The following BCL2 variants were observed in gnomAD, a reference collection of about 807,000 sequenced individuals.
The protein encoded by BCL2 is BCL2 apoptosis regulator.
In BCL2, 1 loss-of-function variant was observed where a neutral mutation model predicts 14.2. That is an observed-to-expected ratio of 0.07 (90% CI 0.02 to 0.33). The LOEUF (loss-of-function observed/expected upper bound fraction) is 0.33. Ranked by LOEUF, BCL2 falls within the 10% of genes least tolerant of loss-of-function variation. The pLI, the probability that BCL2 is intolerant of heterozygous loss-of-function variation, is 0.99. For missense variants in BCL2, 247 were observed against 305.9 expected (o/e 0.81, Z 1.44); for synonymous variants, 151 against 137.2 (o/e 1.10, Z -0.70).
chr18:63,247,629 G>A (rs1374391370), intron 2 of BCL2, among the ~76,000 whole-genome samples: 1 of 152,150 alleles, frequency 6.6e-6, no homozygotes, highest in Non-Finnish European at 1.5e-5. Context: ...GAGCACTAGG[G>A]AGAAGGAGTT....
At chr18:63,277,212 A>G (rs1051236008) in intron 2 of BCL2, among the ~76,000 whole-genome samples, 2 of 152,152 alleles carry the variant, frequency 1.3e-5, no homozygotes, top group African/African-American at 2.4e-5. Flanking sequence ...AGAATTTATC[A>G]GAGCTCAACA....
chr18:63,128,590 C>T lies in BCL2; in HGVS notation c.*35G>A. On this transcript the variant is annotated 3_prime_UTR_variant, in exon 3 of 3. Coordinates refer to ENST00000333681, the MANE Select transcript of BCL2 (RefSeq NM_000633.3). Reference sequence around the variant, plus strand: ...TATTATTTCTACTGCTTTAGTGAACCTTTTGCATATTTGTTTGGGGCAGGC... The same window carrying T: ...TATTATTTCTACTGCTTTAGTGAACTTTTTGCATATTTGTTTGGGGCAGGC... 1.3e-6 allele frequency: 1 copy of T among 776,552 alleles called. No individual in the cohort carries two copies. Among genetic ancestry groups the T allele is most frequent in the Non-Finnish European group, 2.4e-6 (1 of 415,374 alleles). The allele number at this position is 776,552 out of a possible 1,614,324, so 48.1% of individuals were successfully genotyped here. A position where few individuals can be genotyped will look rare whatever the true frequency, so the allele number is the denominator to read the frequency against.
At chr18:63,229,720 G>A (rs903597548) in intron 2 of BCL2, among the ~76,000 whole-genome samples, 10 of 152,154 alleles carry the variant, frequency 6.6e-5, no homozygotes, top group Admixed American at 6.5e-5. Flanking sequence ...CTGCAGAACC[G>A]TAAGTCAATT....
chr18:63,307,577 G>A (rs1203542097), intron 2 of BCL2, among the ~76,000 whole-genome samples: 5 of 152,192 alleles, frequency 3.3e-5, no homozygotes, highest in Non-Finnish European at 5.9e-5. Flanking sequence ...TGAGCCACAA[G>A]CTGTTACAAA....
chr18:63,172,296 CTCGTGAGTATTAT>C (rs1915239956), intron 2 of BCL2, among the ~76,000 whole-genome samples: 1 of 152,226 alleles, frequency 6.6e-6, no homozygotes, highest in South Asian at 2.1e-4. Context: ...TATCTCCTCA[CTCGTGAGTATTAT>C]TCCTCACTTA....
intron 2 of BCL2, among the ~76,000 whole-genome samples, chr18:63,216,197 T>C (rs970696478): frequency 6.6e-6 from 1 of 152,146 alleles, no homozygotes; most frequent in African/African-American, 2.4e-5. Flanking sequence ...AAATTCTATC[T>C]TGCTTTTGTA....
chr18:63,128,284 C>T lies in BCL2; in HGVS notation c.*341G>A. On this transcript the variant is annotated 3_prime_UTR_variant, in exon 3 of 3. Transcript: ENST00000333681. ...TCTATGTTTACAGGCACAGAACATCCAGGTGGAGCCACACGAAGCGGTGCT... is the reference window on the plus strand; with the variant it reads ...TCTATGTTTACAGGCACAGAACATCTAGGTGGAGCCACACGAAGCGGTGCT... 4.0e-6 allele frequency: 1 copy of T among 247,032 alleles called. No homozygotes were observed. Among genetic ancestry groups the T allele is most frequent in the Non-Finnish European group, 7.9e-6 (1 of 126,788 alleles). The allele number at this position is 247,032 out of a possible 1,614,324, so 15.3% of individuals were successfully genotyped here. A position where few individuals can be genotyped will look rare whatever the true frequency, so the allele number is the denominator to read the frequency against.
intron 2 of BCL2, among the ~76,000 whole-genome samples, chr18:63,287,238 T>C (rs17070962): frequency 0.029 from 4,405 of 152,252 alleles, 77 homozygotes; most frequent in African/African-American, 0.051. Context: ...CCTTAGAAAG[T>C]ATTAGAATTC....
At chr18:63,169,311 C>CTTTCTTTCTTTCTTTCTTT (rs1568222484) in intron 2 of BCL2, among the ~76,000 whole-genome samples, 6 of 33,386 alleles carry the variant, frequency 1.8e-4, no homozygotes, top group South Asian at 1.4e-3. Context: ...TTTCTTTCTT[C>CTTTCTTTCTTTCTTTCTTT]CTTCCTTCCT....
At chr18:63,231,506 C>T (rs896030717) in intron 2 of BCL2, among the ~76,000 whole-genome samples, 11 of 151,928 alleles carry the variant, frequency 7.2e-5, no homozygotes, top group African/African-American at 1.7e-4. Context: ...TTGGCAGGGA[C>T]GCTGGAGACA....
chr18:63,237,430 G>T (rs1172362155), intron 2 of BCL2, among the ~76,000 whole-genome samples: 1 of 152,192 alleles, frequency 6.6e-6, no homozygotes, highest in Non-Finnish European at 1.5e-5. Flanking sequence ...ATACAAGATC[G>T]CATGTCTGAG....
At chr18:63,275,487 T>G (rs1280883698) in intron 2 of BCL2, among the ~76,000 whole-genome samples, 1 of 152,176 alleles carries the variant, frequency 6.6e-6, no homozygotes, top group Non-Finnish European at 1.5e-5. Flanking sequence ...GAATGGGTGT[T>G]TCCATTCTGG....
chr18:63,246,639 T>G (rs1911158114), intron 2 of BCL2, among the ~76,000 whole-genome samples: 1 of 152,142 alleles, frequency 6.6e-6, no homozygotes, highest in Non-Finnish European at 1.5e-5. Context: ...CGATCCAAGA[T>G]GAAATTTGGG....
chr18:63,142,910 C>T lies in BCL2; in HGVS notation c.586-14151G>A, dbSNP rs1041316886. On this transcript the variant is annotated intron_variant, in intron 2 of 2. Transcript: ENST00000333681. ...TGGCTCTTTGACAATCCTCTTCCTT[C>T]CTCATCAGACAGTCTTCCTGTGCCC... 9.2e-5 allele frequency among the ~76,000 whole-genome samples: 14 copies of T among 152,354 alleles called. No homozygotes were observed. In the South Asian group the frequency reaches 2.9e-3, roughly 32 times the overall value.
chr18:63,241,046 T>G (rs1910987495), intron 2 of BCL2, among the ~76,000 whole-genome samples: 1 of 152,234 alleles, frequency 6.6e-6, no homozygotes, highest in South Asian at 2.1e-4. Context: ...ATTACTCAAC[T>G]CTGATGTTGC....
At chr18:63,167,409 C>T (rs1263556982) in intron 2 of BCL2, among the ~76,000 whole-genome samples, 1 of 152,186 alleles carries the variant, frequency 6.6e-6, no homozygotes, top group Non-Finnish European at 1.5e-5. Context: ...AAAAGCCTAG[C>T]TACCAAGGAT....
At chr18:63,234,376 TA>T (rs1431636804) in intron 2 of BCL2, among the ~76,000 whole-genome samples, 1 of 152,242 alleles carries the variant, frequency 6.6e-6, no homozygotes, top group Non-Finnish European at 1.5e-5. Flanking sequence ...TTGCTGAGGA[TA>T]ATGGCTTCCA....
chr18:63,209,756 A>G, intron 2 of BCL2, among the ~76,000 whole-genome samples: 1 of 152,180 alleles, frequency 6.6e-6, no homozygotes, highest in African/African-American at 2.4e-5. Context: ...GAGGAAGCTA[A>G]GACCTAGGCT....
At chr18:63,227,401 G>C (rs1313307955) in intron 2 of BCL2, among the ~76,000 whole-genome samples, 1 of 152,174 alleles carries the variant, frequency 6.6e-6, no homozygotes, top group Non-Finnish European at 1.5e-5. Flanking sequence ...TAGAGACGTG[G>C]TTTCACCGTA....
Sources: allele counts gnomAD v4.1 joint callset (sites outside exome capture counted in the v4.1 genomes callset), GRCh38; gene constraint gnomAD v4.1.1; transcripts MANE v1.5; gene names NCBI Gene and HGNC (gene_info 2026-07-23, HGNC 2026-07-21).